EPHA2: variants seen among roughly 807,000 people sequenced by gnomAD.
EPHA2 encodes EPH receptor A2, also known as ephrin type-A receptor 2.
A neutral mutation model predicts 104.9 loss-of-function variants in EPHA2; 54 were observed. The observed-to-expected ratio is 0.51, with a 90% confidence interval of 0.41 to 0.65. The LOEUF is 0.65. Ranked by LOEUF, EPHA2 falls within the 30% of genes least tolerant of loss-of-function variation. The probability of loss-of-function intolerance (pLI) is 0.00; values close to 1 mark genes in which losing one functional copy is unlikely to be tolerated. For missense variants in EPHA2, 1,117 were observed against 1,369.5 expected (o/e 0.82, Z 2.91); for synonymous variants, 560 against 559.1 (o/e 1.00, Z -0.02).
intron 1 of EPHA2, among the ~76,000 whole-genome samples, chr1:16,154,235 G>C (rs1557518871): frequency 6.6e-6 from 1 of 152,122 alleles, no homozygotes; most frequent in Non-Finnish European, 1.5e-5. Context: ...GGAAGGGGGA[G>C]GACCAAACGT....
chr1:16,146,790 A>G (rs1164257707), intron 3 of EPHA2, among the ~76,000 whole-genome samples: 1 of 152,200 alleles, frequency 6.6e-6, no homozygotes, highest in African/African-American at 2.4e-5. Flanking sequence ...CCCATCACAA[A>G]GGGCTTCAGT....
At position 16,125,355 on chromosome 1, in the gene EPHA2, G is replaced by T; in HGVS notation, c.2826-35C>A. ...GGGAGGGAGAGAGGGAGAGTTAGGGGCTGGAGCAGGGGAGGGGGCCGGGCT... is the reference window on the plus strand; with the variant it reads ...GGGAGGGAGAGAGGGAGAGTTAGGGTCTGGAGCAGGGGAGGGGGCCGGGCT... On this transcript the variant is annotated intron_variant, in intron 16 of 16. Coordinates refer to ENST00000358432, the MANE Select transcript of EPHA2 (RefSeq NM_004431.5). The surrounding 1 kb of genome is among the most constrained non-coding windows in gnomAD (Gnocchi z 4.9). The T allele has an allele frequency of 6.6e-7, 1 of 1,515,218 alleles. No homozygotes were observed. Among genetic ancestry groups the T allele is most frequent in the Non-Finnish European group, 9.1e-7 (1 of 1,101,730 alleles). 93.9% of individuals were successfully genotyped at this position (1,515,218 alleles called of 1,614,324 possible).
At position 16,128,633 on chromosome 1, in the gene EPHA2, G is replaced by A. The variant is rs1203019719; in HGVS notation, c.2825+801C>T. Among the ~76,000 whole-genome samples the A allele has an allele frequency of 1.3e-5, 2 of 152,206 alleles. No homozygotes were observed. Among genetic ancestry groups the A allele is most frequent in the Non-Finnish European group, 2.9e-5 (2 of 68,042 alleles). ...TTTTAGAGGCACAAAAGGCTAAGAG[G>A]ATAGGGTCTCCCCCTTCCTGGGACA... On this transcript the variant is annotated intron_variant, in intron 16 of 16. Coordinates refer to ENST00000358432, the MANE Select transcript of EPHA2 (RefSeq NM_004431.5). The surrounding 1 kb of genome is among the most constrained non-coding windows in gnomAD (Gnocchi z 4.7).
intron 3 of EPHA2, among the ~76,000 whole-genome samples, chr1:16,143,633 T>C (rs2024869728): frequency 6.6e-6 from 1 of 152,074 alleles, no homozygotes; most frequent in Admixed American, 6.5e-5. Context: ...CAGCCCCCAG[T>C]GGAGCCCCTC....
rs1301588352 is a variant in EPHA2, at chr1:16,133,843, CG to C, written c.1738+16del. The C allele has an allele frequency of 2.6e-6, 4 of 1,540,738 alleles. No individual in the cohort carries two copies. Among genetic ancestry groups the C allele is most frequent in the Non-Finnish European group, 3.5e-6 (4 of 1,140,722 alleles). On this transcript the variant is annotated intron_variant, in intron 9 of 16. Coordinates refer to ENST00000358432, the MANE Select transcript of EPHA2 (RefSeq NM_004431.5). Reference sequence around the variant, plus strand: ...GGTGCGGGCAGGGCTGGGCCTGGAGCGGGGGCTGCGTCTCACCTGACTTGGA... The same window carrying C: ...GGTGCGGGCAGGGCTGGGCCTGGAGCGGGGCTGCGTCTCACCTGACTTGGA...
intron 1 of EPHA2, chr1:16,155,600 C>T: frequency 2.5e-6 from 1 of 397,658 alleles, no homozygotes; most frequent in Non-Finnish European, 4.4e-6. Context: ...TGGCCTGCGC[C>T]GCGTCCTCTT....
In EPHA2 at chr1:16,150,672, T is replaced by C. The variant is rs1181863580; in HGVS notation, c.153+224A>G. ...CTGTCTCCCCAGTTCCCCCCACCTC[T>C]CAGGCTTACACCCACACCCTCGTAC... On this transcript the variant is annotated intron_variant, in intron 2 of 16. Transcript: ENST00000358432. This position sits in a 1 kb window ranked among gnomAD's most constrained non-coding sequence, Gnocchi z 4.8. Among the ~76,000 whole-genome samples the C allele has an allele frequency of 3.3e-5, 5 of 152,148 alleles. No individual in the cohort carries two copies. Among genetic ancestry groups the C allele is most frequent in the Non-Finnish European group, 7.4e-5 (5 of 68,024 alleles).
intron 1 of EPHA2, among the ~76,000 whole-genome samples, chr1:16,152,381 A>AC (rs933305366): frequency 5.9e-5 from 9 of 151,852 alleles, no homozygotes; most frequent in Admixed American, 2.0e-4. Context: ...AAATGCTGCC[A>AC]CCCCCACTAC....
Position 16,140,087 on chromosome 1 carries a change from G to C in EPHA2, c.824-1657C>G, listed in dbSNP as rs189667881. ...CTGTGTGAGCAGAGGTGCAGAGGGG[G>C]ACCAGGAGTCAGGGGAACAGGACTC... On this transcript the variant is annotated intron_variant, in intron 3 of 16. Transcript: ENST00000358432. 2.8e-4 allele frequency among the ~76,000 whole-genome samples: 42 copies of C among 152,334 alleles called. No individual in the cohort carries two copies. The East Asian group carries it at 7.7e-3, about 28-fold the overall frequency.
chr1:16,136,071 A>G (rs1056891278), intron 5 of EPHA2, among the ~76,000 whole-genome samples: 6 of 151,802 alleles, frequency 4.0e-5, no homozygotes, highest in African/African-American at 9.7e-5. Context: ...GGGTCTCCCT[A>G]TGTTGCCCAT....
At position 16,133,253 on chromosome 1, in the gene EPHA2, G is replaced by A. The variant is rs1458484327; in HGVS notation, c.1980C>T (p.Phe660=). ...GGCCCATGATGCCGGCCTCGCCGAGGAAGTCCACTCGCTGCTTCTCTGTGT... is the reference window on the plus strand; with the variant it reads ...GGCCCATGATGCCGGCCTCGCCGAGAAAGTCCACTCGCTGCTTCTCTGTGT... ...AGYTEKQRVD[F]LGEAGIMGQF... is the part of the protein sequence containing the mutation. The change falls in exon 11 of 17, where the codon TTC becomes TTT. Residue 660 remains phenylalanine, a synonymous_variant. Coordinates refer to ENST00000358432, the MANE Select transcript of EPHA2 (RefSeq NM_004431.5). 6.2e-7 allele frequency: 1 copy of A among 1,613,872 alleles called. No individual in the cohort carries two copies. Among genetic ancestry groups the A allele is most frequent in the Non-Finnish European group, 8.5e-7 (1 of 1,179,912 alleles).
chr1:16,154,241 A>G (rs1476858620), intron 1 of EPHA2, among the ~76,000 whole-genome samples: 1 of 152,064 alleles, frequency 6.6e-6, no homozygotes, highest in Non-Finnish European at 1.5e-5. Flanking sequence ...GGGAGGACCA[A>G]ACGTTGGTGG....
Position 16,134,714 on chromosome 1 carries a change from G to T in EPHA2, c.1583-147C>A. 2.1e-6 allele frequency: 2 copies of T among 931,848 alleles called. No homozygotes were observed. The highest frequency in any genetic ancestry group is 3.4e-6 in the Non-Finnish European group (2 of 586,990). 57.7% of individuals were successfully genotyped at this position (931,848 alleles called of 1,614,324 possible). A position where few individuals can be genotyped will look rare whatever the true frequency, so the allele number is the denominator to read the frequency against. On this transcript the variant is annotated intron_variant, in intron 7 of 16. Transcript: ENST00000358432. The surrounding 1 kb of genome is among the most constrained non-coding windows in gnomAD (Gnocchi z 4.5). ...AGAGGGTACTTAGTCCCATTTCATA[G>T]ACGGTCAAGCGGAGGCCTTCCCGAA...
In EPHA2 at chr1:16,125,374, C is replaced by T; in HGVS notation, c.2826-54G>A. The T allele has an allele frequency of 4.6e-6, 1 of 218,008 alleles. No homozygotes were observed. 13.5% of individuals were successfully genotyped at this position (218,008 alleles called of 1,614,324 possible). A position where few individuals can be genotyped will look rare whatever the true frequency, so the allele number is the denominator to read the frequency against. ...TTAGGGGCTGGAGCAGGGGAGGGGGCCGGGCTGGGTGGGGACAGGACTCGG... is the reference window on the plus strand; with the variant it reads ...TTAGGGGCTGGAGCAGGGGAGGGGGTCGGGCTGGGTGGGGACAGGACTCGG... On this transcript the variant is annotated intron_variant, in intron 16 of 16. Coordinates refer to ENST00000358432, the MANE Select transcript of EPHA2 (RefSeq NM_004431.5). The surrounding 1 kb of genome is among the most constrained non-coding windows in gnomAD (Gnocchi z 4.9).
Position 16,131,187 on chromosome 1 carries a change from C to T in EPHA2, c.2475+534G>A, listed in dbSNP as rs1052932837. Among the ~76,000 whole-genome samples the T allele has an allele frequency of 6.6e-5, 10 of 152,160 alleles. No individual in the cohort carries two copies. The highest frequency in any genetic ancestry group is 4.1e-4 in the South Asian group (2 of 4,822). Reference sequence around the variant, plus strand: ...GGATGCACACACATGCATGGACACACGGATACACACGTACACCCCACTCCT... The same window carrying T: ...GGATGCACACACATGCATGGACACATGGATACACACGTACACCCCACTCCT... On this transcript the variant is annotated intron_variant, in intron 14 of 16. Coordinates refer to ENST00000358432, the MANE Select transcript of EPHA2 (RefSeq NM_004431.5). This position sits in a 1 kb window ranked among gnomAD's most constrained non-coding sequence, Gnocchi z 5.2.
intron 3 of EPHA2, among the ~76,000 whole-genome samples, chr1:16,147,150 C>T (rs1285044046): frequency 1.4e-4 from 22 of 152,252 alleles, no homozygotes; most frequent in Admixed American, 1.4e-3. Context: ...CTGGCCACAC[C>T]ACGCCACGGC....
At chr1:16,154,319 C>T (rs1170567236) in intron 1 of EPHA2, among the ~76,000 whole-genome samples, 2 of 152,258 alleles carry the variant, frequency 1.3e-5, no homozygotes, top group East Asian at 3.9e-4. Flanking sequence ...GGTTGAGACC[C>T]CAACCCGGGC....
At chr1:16,155,223 G>C (rs920139263) in intron 1 of EPHA2, 1 of 152,268 alleles carries the variant, frequency 6.6e-6, no homozygotes, top group Non-Finnish European at 1.5e-5. Context: ...CCGCACTCGC[G>C]GCCCCTAACC....
At chr1:16,136,302 T>TC (rs2024681621) in intron 5 of EPHA2, among the ~76,000 whole-genome samples, 1 of 51,664 alleles carries the variant, frequency 1.9e-5, no homozygotes, top group Admixed American at 2.6e-4. Context: ...TACGAGTGCA[T>TC]AAATAATAAT....
Sources: gnomAD v4.1 joint callset for allele counts (sites outside exome capture counted in the v4.1 genomes callset) on GRCh38, gnomAD v4.1.1 for gene constraint, Gnocchi (gnomAD v3.1) non-coding constraint, MANE v1.5 for transcripts, NCBI Gene and HGNC (gene_info 2026-07-23, HGNC 2026-07-21) for gene names.